Variants in CORO2A observed in about 807,000 individuals in gnomAD.
CORO2A encodes the protein coronin-2A.
In CORO2A, 47 loss-of-function variants were observed where a neutral mutation model predicts 62.4. The ratio of observed to expected loss-of-function variants is 0.75; its 90% CI spans 0.60 to 0.96. CORO2A has a LOEUF of 0.96. Ranked by LOEUF, CORO2A falls within the 40% of genes least tolerant of loss-of-function variation. CORO2A has a pLI of 0.00. For synonymous variants in CORO2A, 273 were observed against 268.9 expected (o/e 1.02, Z -0.15); for missense variants, 610 against 684.1 (o/e 0.89, Z 1.21).
chr9:98,182,428 C>G (rs1828189242), intron 1 of CORO2A, among the ~76,000 whole-genome samples: 1 of 152,134 alleles, frequency 6.6e-6, no homozygotes, highest in South Asian at 2.1e-4. Flanking sequence ...CTCAAAGCTC[C>G]TTCCTGTTCA....
intron 1 of CORO2A, among the ~76,000 whole-genome samples, chr9:98,162,778 C>T (rs1004963648): frequency 4.6e-5 from 7 of 152,206 alleles, no homozygotes; most frequent in Non-Finnish European, 8.8e-5. Flanking sequence ...CATGCATGAG[C>T]GCATGCGTGT....
chr9:98,143,218 G>GTGT (rs1430061009), intron 2 of CORO2A, among the ~76,000 whole-genome samples: 1 of 152,240 alleles, frequency 6.6e-6, no homozygotes, highest in Non-Finnish European at 1.5e-5. Context: ...GGGGAAGACA[G>GTGT]GACAGAAGGA....
At position 98,133,269 on chromosome 9, in the gene CORO2A, C is replaced by T. The variant is rs762423347; in HGVS notation, c.469-52G>A. 4 of 1,561,642 alleles carry T rather than the reference C, an allele frequency of 2.6e-6. No individual in the cohort carries two copies. The Admixed American group carries it at 5.1e-5, about 20-fold the overall frequency. On this transcript the variant is annotated intron_variant, in intron 4 of 11. Transcript: ENST00000375077. ...CACAGGGGCCACCTTGCCCCTGGGC[C>T]TCATAGTTACATGCTGGCCAGGATG...
intron 3 of CORO2A, among the ~76,000 whole-genome samples, 191 bp from the exon 4 acceptor site, chr9:98,135,146 G>A (rs1827468509): frequency 6.6e-6 from 1 of 152,186 alleles, no homozygotes. Flanking sequence ...ACAGACAGGG[G>A]CTTCCCCAAG....
At chr9:98,131,179 A>G (rs1827403163) in intron 6 of CORO2A, 120 bp from the exon 7 acceptor site, 4 of 664,686 alleles carry the variant, frequency 6.0e-6, no homozygotes, top group Non-Finnish European at 1.1e-5. Context: ...TCAGAGAAAA[A>G]GTGTGATTTT....
At chr9:98,137,709 G>C (rs767346766) in intron 2 of CORO2A, 21 bp from the exon 3 acceptor site, 16 of 1,577,152 alleles carry the variant, frequency 1.0e-5, no homozygotes, top group Non-Finnish European at 1.3e-5. Context: ...GTGCCCAGGA[G>C]GGTTGGGGAG....
chr9:98,162,724 C>T (rs7034835), intron 1 of CORO2A, among the ~76,000 whole-genome samples: 1 of 152,200 alleles, frequency 6.6e-6, no homozygotes, highest in African/African-American at 2.4e-5. Flanking sequence ...TGTGCATGCA[C>T]GTGTGCATCC....
chr9:98,145,577 T>A (rs2118844474), intron 2 of CORO2A, among the ~76,000 whole-genome samples: 1 of 152,290 alleles, frequency 6.6e-6, no homozygotes, highest in East Asian at 1.9e-4. Context: ...AACAGTTGGC[T>A]AGGACAGGGC....
chr9:98,159,922 C>A (rs558136370), intron 1 of CORO2A, among the ~76,000 whole-genome samples: 1 of 152,148 alleles, frequency 6.6e-6, no homozygotes, highest in Non-Finnish European at 1.5e-5. Flanking sequence ...AAAGAAGATG[C>A]TCACCCAGCC....
At chr9:98,177,319 G>C (rs1179355743) in intron 1 of CORO2A, among the ~76,000 whole-genome samples, 1 of 152,076 alleles carries the variant, frequency 6.6e-6, no homozygotes, top group Non-Finnish European at 1.5e-5. Flanking sequence ...ATTCCCATGG[G>C]GTCTCTCCCC....
chr9:98,167,647 C>G (rs1827980129), intron 1 of CORO2A, among the ~76,000 whole-genome samples: 2 of 151,448 alleles, frequency 1.3e-5, no homozygotes, highest in Non-Finnish European at 2.9e-5. Flanking sequence ...AAACCAATTG[C>G]AAAAAGGCAT....
chr9:98,151,020 G>A (rs755801849), intron 2 of CORO2A, among the ~76,000 whole-genome samples: 9 of 152,126 alleles, frequency 5.9e-5, no homozygotes, highest in Non-Finnish European at 1.3e-4. Context: ...GCTGCTCTCT[G>A]CATTGCTTCC....
chr9:98,190,020 G>A (rs554261286), intron 1 of CORO2A, among the ~76,000 whole-genome samples: 1 of 152,216 alleles, frequency 6.6e-6, no homozygotes, highest in South Asian at 2.1e-4. Context: ...GAGTAGCTGG[G>A]ATTACAGGCA....
chr9:98,172,140 C>A lies in CORO2A; in HGVS notation c.1-14480G>T, dbSNP rs564487307. On this transcript the variant is annotated intron_variant, in intron 1 of 11. Transcript: ENST00000375077. ...GGTGTGACTGCCCTGGGACAAGAGTCCCCAGATATGACTGAAGGCCTGCCT... is the reference window on the plus strand; with the variant it reads ...GGTGTGACTGCCCTGGGACAAGAGTACCCAGATATGACTGAAGGCCTGCCT... Among the ~76,000 whole-genome samples, 481 of 152,076 alleles carry A rather than the reference C, an allele frequency of 3.2e-3. 2 individuals carry two copies. The highest frequency in any genetic ancestry group is 0.011 in the African/African-American group (466 of 41,458).
At chr9:98,169,627 C>CTT (rs1480603905) in intron 1 of CORO2A, among the ~76,000 whole-genome samples, 4 of 152,302 alleles carry the variant, frequency 2.6e-5, no homozygotes, top group African/African-American at 9.6e-5. Context: ...CCCCCTGAGT[C>CTT]TTTGACCTCC....
intron 4 of CORO2A, 134 bp downstream of exon 4, chr9:98,134,671 TG>T: frequency 1.9e-6 from 2 of 1,033,246 alleles, no homozygotes; most frequent in Non-Finnish European, 2.7e-6. Context: ...CTAGGGCATC[TG>T]GAGGGAGCTG....
chr9:98,173,880 G>A (rs575344128), intron 1 of CORO2A, among the ~76,000 whole-genome samples: 87 of 152,322 alleles, frequency 5.7e-4, no homozygotes, highest in African/African-American at 2.0e-3. Context: ...ACTTTGGGAG[G>A]CTGAGGCGGG....
chr9:98,148,530 A>AAG (rs1554744315), intron 2 of CORO2A, among the ~76,000 whole-genome samples: 4 of 151,828 alleles, frequency 2.6e-5, no homozygotes, highest in Admixed American at 2.0e-4. Context: ...ACTTAAGCCC[A>AAG]GGGGTTCAAG....
intron 1 of CORO2A, among the ~76,000 whole-genome samples, chr9:98,175,886 AAAGT>A (rs1828103719): frequency 1.3e-5 from 2 of 152,356 alleles, no homozygotes; most frequent in East Asian, 1.9e-4. Flanking sequence ...TGGTAAACTC[AAAGT>A]AAGTATTTGT....
Sources: gnomAD v4.1 joint callset for allele counts (sites outside exome capture counted in the v4.1 genomes callset) on GRCh38, gnomAD v4.1.1 for gene constraint, MANE v1.5 for transcripts, NCBI Gene and HGNC (gene_info 2026-07-23, HGNC 2026-07-21) for gene names.